The following CAST variants were observed in gnomAD, a reference collection of about 807,000 sequenced individuals.
CAST encodes MIR583 host.
In CAST, 76 loss-of-function variants were observed where a neutral mutation model predicts 119.6. The ratio of observed to expected loss-of-function variants is 0.64; its 90% CI spans 0.53 to 0.77. The LOEUF is 0.77. Among genes scored for constraint, CAST ranks in the 30% least tolerant of loss-of-function variants. The probability of loss-of-function intolerance (pLI) is 0.00; values close to 1 mark genes in which losing one functional copy is unlikely to be tolerated. For missense variants in CAST, 953 were observed against 946.5 expected (o/e 1.01, Z -0.09); for synonymous variants, 319 against 331.6 (o/e 0.96, Z 0.41).
At chr5:96,111,409 G>T in the CAST span, among the ~76,000 whole-genome samples, 7 of 152,102 alleles carry the variant, frequency 4.6e-5, no homozygotes, top group Admixed American at 3.9e-4. Context: ...TATTATGTAG[G>T]CATGATTGAT....
the CAST span, among the ~76,000 whole-genome samples, chr5:96,256,416 AATG>A: frequency 6.7e-6 from 1 of 149,978 alleles, no homozygotes; most frequent in South Asian, 2.1e-4. Context: ...CTTGCTTATT[AATG>A]ATGATACATT....
intron 9 of CAST, among the ~76,000 whole-genome samples, chr5:96,731,767 C>G (rs1293383583): frequency 2.6e-4 from 37 of 144,730 alleles, no homozygotes; most frequent in African/African-American, 9.5e-4. Context: ...GTTTTTCGTT[C>G]TTGCGATAGT....
Position 96,757,286 on chromosome 5 carries a change from A to G in CAST, c.1711-158A>G, listed in dbSNP as rs28081. Reference sequence around the variant, plus strand: ...TTTGTTGCCATGAACTAATTAGAGCATATTCTCTGGTGAGAGAATCCTTCG... The same window carrying G: ...TTTGTTGCCATGAACTAATTAGAGCGTATTCTCTGGTGAGAGAATCCTTCG... On this transcript the variant is annotated intron_variant, in intron 22 of 31. Transcript: ENST00000675179. Among the ~76,000 whole-genome samples the G allele has an allele frequency of 0.82, 124,569 of 152,194 alleles. 51,293 individuals are homozygous for G. Among genetic ancestry groups the G allele is most frequent in the Admixed American group, 0.88 (13,404 of 15,298 alleles).
the CAST span, among the ~76,000 whole-genome samples, chr5:96,308,430 ACC>A: frequency 6.6e-6 from 1 of 151,858 alleles, no homozygotes; most frequent in South Asian, 2.1e-4. Flanking sequence ...AATTGTTATT[ACC>A]CACCTTCTGA....
At chr5:96,695,641 T>C in intron 2 of CAST, 195 bp from the exon 3 acceptor site, 1 of 445,848 alleles carries the variant, frequency 2.2e-6, no homozygotes, top group South Asian at 2.3e-5. Flanking sequence ...TTATTCAACT[T>C]ACTCTTCATT....
the CAST span, among the ~76,000 whole-genome samples, chr5:96,282,492 A>C: frequency 1.3e-5 from 2 of 152,188 alleles, no homozygotes; most frequent in South Asian, 4.1e-4. Flanking sequence ...GCAGTGCATA[A>C]CCTAAACAAC....
chr5:96,461,851 A>G, the CAST span, among the ~76,000 whole-genome samples: 11,193 of 152,174 alleles, frequency 0.074, 895 homozygotes, highest in East Asian at 0.41. Context: ...GATGTACATC[A>G]AGTGATTAAG....
the CAST span, among the ~76,000 whole-genome samples, chr5:95,990,551 T>C: frequency 2.6e-5 from 4 of 152,002 alleles, no homozygotes; most frequent in Non-Finnish European, 5.9e-5. Context: ...TTTAAAATTA[T>C]TATATTATCT....
chr5:96,648,032 G>C (rs1748040803), intron 1 of CAST, among the ~76,000 whole-genome samples: 1 of 152,194 alleles, frequency 6.6e-6, no homozygotes, highest in South Asian at 2.1e-4. Flanking sequence ...ATTTAGTCTG[G>C]AAAGAGTAAC....
chr5:96,756,027 G>A (rs907206513), intron 22 of CAST, among the ~76,000 whole-genome samples: 35 of 152,118 alleles, frequency 2.3e-4, no homozygotes, highest in African/African-American at 7.7e-4. Context: ...CACAGTCCCT[G>A]ATCACTTTAT....
chr5:96,279,231 T>C, the CAST span, among the ~76,000 whole-genome samples: 1 of 152,184 alleles, frequency 6.6e-6, no homozygotes. Flanking sequence ...TCTGGATTTC[T>C]ACCATTTGAT....
the CAST span, among the ~76,000 whole-genome samples, chr5:96,200,855 G>A: frequency 1.3e-5 from 2 of 152,098 alleles, no homozygotes; most frequent in Non-Finnish European, 2.9e-5. Flanking sequence ...ATAAATGTTG[G>A]CCAGCAGCCA....
At chr5:96,762,575 G>A (rs990518574) in intron 25 of CAST, 1 of 477,534 alleles carries the variant, frequency 2.1e-6, no homozygotes, top group Admixed American at 3.8e-5. Context: ...CTATATATGT[G>A]AAAACATTGT....
the CAST span, chr5:96,394,824 A>G: frequency 6.3e-7 from 1 of 1,596,614 alleles, no homozygotes; most frequent in East Asian, 2.2e-5. Flanking sequence ...TGTCTACCCC[A>G]GTTCAAAAGA....
the CAST span, among the ~76,000 whole-genome samples, chr5:96,325,197 C>CT: frequency 6.6e-6 from 1 of 151,950 alleles, no homozygotes; most frequent in Non-Finnish European, 1.5e-5. Context: ...GAGTGAGAGC[C>CT]TGTCTCAAAA....
chr5:96,397,150 C>T, the CAST span, among the ~76,000 whole-genome samples: 3 of 152,158 alleles, frequency 2.0e-5, no homozygotes, highest in African/African-American at 2.4e-5. Context: ...GAAGCCTAAT[C>T]TTTCTTTTTG....
At chr5:96,478,945 A>G in the CAST span, among the ~76,000 whole-genome samples, 1 of 152,218 alleles carries the variant, frequency 6.6e-6, no homozygotes, top group African/African-American at 2.4e-5. Flanking sequence ...AATTGAACAC[A>G]TGAAGTGGTG....
chr5:96,192,991 T>C, the CAST span, among the ~76,000 whole-genome samples: 3 of 152,208 alleles, frequency 2.0e-5, no homozygotes, highest in African/African-American at 7.2e-5. Flanking sequence ...GTAACTCTTA[T>C]AGGAGGTAGA....
At chr5:96,753,363 A>C (rs17480169) in intron 20 of CAST, among the ~76,000 whole-genome samples, 35,818 of 152,130 alleles carry the variant, frequency 0.24, 4,818 homozygotes, top group Non-Finnish European at 0.32. Flanking sequence ...CTTATGACCT[A>C]CTAATGTACA....
Sources: allele counts gnomAD v4.1 joint callset (sites outside exome capture counted in the v4.1 genomes callset), GRCh38; gene constraint gnomAD v4.1.1; transcripts MANE v1.5; gene names NCBI Gene and HGNC (gene_info 2026-07-23, HGNC 2026-07-21).